The following SOAT1 variants were observed in gnomAD, a reference collection of about 807,000 sequenced individuals.
SOAT1 encodes the protein sterol O-acyltransferase 1.
Under a neutral mutation model 69.5 loss-of-function variants are expected in SOAT1, and 55 were observed. That is an observed-to-expected ratio of 0.79 (90% confidence interval 0.64 to 0.99). The LOEUF (loss-of-function observed/expected upper bound fraction) is 0.99. Among genes scored for constraint, SOAT1 ranks in the 50% least tolerant of loss-of-function variants. The probability of loss-of-function intolerance (pLI) is 0.00; values close to 1 mark genes in which losing one functional copy is unlikely to be tolerated. For synonymous variants in SOAT1, 231 were observed against 224.7 expected, an observed-to-expected ratio of 1.03 and a Z score of -0.25; for missense variants, 580 against 669.3, an observed-to-expected ratio of 0.87 and a Z score of 1.47.
intron 15 of SOAT1, among the ~76,000 whole-genome samples, chr1:179,353,160 T>C (rs2125007854): frequency 1.0e-5 from 1 of 96,864 alleles, no homozygotes; most frequent in African/African-American, 4.0e-5. Context: ...TATTAACTAA[T>C]ATATACTAAT....
In SOAT1 at chr1:179,350,327, T is replaced by C. The variant is rs766940039; in HGVS notation, c.1346T>C (p.Met449Thr). 1 of 1,613,642 alleles carries C rather than the reference T, an allele frequency of 6.2e-7. No homozygotes were observed. Among genetic ancestry groups the C allele is most frequent in the Non-Finnish European group, 8.5e-7 (1 of 1,179,886 alleles). The change falls in exon 14 of 16, where the codon ATG becomes ACG. Residue 449 changes from methionine to threonine, a missense_variant. Coordinates refer to ENST00000367619, the MANE Select transcript of SOAT1 (RefSeq NM_003101.6). ...TCCAAGAGATTCAAATCTGCTGCCA[T>C]GTTAGCTGTCTTTGCTGTATCTGCT... ...FFSKRFKSAA[M>T]LAVFAVSAVV... is the part of the protein sequence containing the mutation.
intron 3 of SOAT1, among the ~76,000 whole-genome samples, chr1:179,328,659 A>G (rs1320411032): frequency 1.3e-5 from 2 of 152,200 alleles, no homozygotes; most frequent in Admixed American, 6.5e-5. Flanking sequence ...TCAAACTTTT[A>G]TTAATGTACA....
intron 14 of SOAT1, among the ~76,000 whole-genome samples, chr1:179,350,740 C>T (rs1031505241): frequency 2.0e-5 from 3 of 152,136 alleles, no homozygotes; most frequent in Non-Finnish European, 4.4e-5. Context: ...TGTCGGTATG[C>T]ACCCCCTAGA....
chr1:179,347,595 T>C lies in SOAT1; in HGVS notation c.1118-5T>C. 1 of 1,578,976 alleles carries C rather than the reference T, an allele frequency of 6.3e-7. No homozygotes were observed. The highest frequency in any genetic ancestry group is 8.7e-7 in the Non-Finnish European group (1 of 1,149,640). On this transcript the variant is annotated splice_polypyrimidine_tract_variant and splice_region_variant and intron_variant, in intron 11 of 15. Transcript: ENST00000367619. ...GACTGTTAATATTGTTAATCTTATTTTTAGGTGTGCTGATTCTCTTCCTTA... is the reference window on the plus strand; with the variant it reads ...GACTGTTAATATTGTTAATCTTATTCTTAGGTGTGCTGATTCTCTTCCTTA...
chr1:179,335,396 C>G, intron 3 of SOAT1, 110 bp from the exon 4 acceptor site: 1 of 947,612 alleles, frequency 1.1e-6, no homozygotes, highest in Non-Finnish European at 1.6e-6. Flanking sequence ...TGCGAACTCA[C>G]TATGTCTTTC....
rs752268231 is a variant in SOAT1 at position 179,335,690 on chromosome 1, A to G, written c.329+33A>G. 7.6e-5 allele frequency: 122 copies of G among 1,599,278 alleles called. No individual in the cohort carries two copies. The South Asian group carries it at 8.6e-4, about 11-fold the overall frequency. ...TGTGCTATTTTCTTTTAATGCAAAC[A>G]TCTACTCAGTATAGTTCAATGGTGA... On this transcript the variant is annotated intron_variant, in intron 4 of 15. Coordinates refer to ENST00000367619, the MANE Select transcript of SOAT1 (RefSeq NM_003101.6).
intron 1 of SOAT1, among the ~76,000 whole-genome samples, chr1:179,300,393 T>C (rs959334574): frequency 6.6e-6 from 1 of 152,232 alleles, no homozygotes; most frequent in African/African-American, 2.4e-5. Context: ...CCATTGTAAG[T>C]TGGGCATCGT....
chr1:179,349,031 A>G, intron 13 of SOAT1, 89 bp downstream of exon 13: 2 of 752,752 alleles, frequency 2.7e-6, no homozygotes, highest in Admixed American at 4.4e-5. Flanking sequence ...AAGAAGTTAT[A>G]TTTAATTGCT....
chr1:179,343,779 C>A, intron 10 of SOAT1, 144 bp downstream of exon 10: 2 of 614,548 alleles, frequency 3.3e-6, no homozygotes, highest in Non-Finnish European at 5.6e-6. Flanking sequence ...ATTTCCAGTA[C>A]GGTAAATGGT....
At chr1:179,350,007 A>G (rs577028465) in intron 13 of SOAT1, among the ~76,000 whole-genome samples, 8 of 152,310 alleles carry the variant, frequency 5.3e-5, no homozygotes, top group African/African-American at 9.6e-5. Flanking sequence ...CTGAAATTCA[A>G]TATGTTTCAT....
intron 8 of SOAT1, among the ~76,000 whole-genome samples, chr1:179,342,596 C>T (rs1403003638): frequency 6.6e-6 from 1 of 152,144 alleles, no homozygotes; most frequent in African/African-American, 2.4e-5. Flanking sequence ...TTAATAGCCT[C>T]ATTACACCTG....
At chr1:179,335,121 T>A (rs906773252) in intron 3 of SOAT1, among the ~76,000 whole-genome samples, 1 of 151,912 alleles carries the variant, frequency 6.6e-6, no homozygotes, top group Admixed American at 6.6e-5. Context: ...TCTAACATTT[T>A]GGGAAGCTGA....
At chr1:179,301,093 A>G (rs963882435) in intron 1 of SOAT1, among the ~76,000 whole-genome samples, 5 of 152,056 alleles carry the variant, frequency 3.3e-5, no homozygotes, top group Non-Finnish European at 5.9e-5. Context: ...CTCCTTCTCA[A>G]TAAATAAATA....
intron 2 of SOAT1, among the ~76,000 whole-genome samples, chr1:179,303,545 G>A (rs749950244): frequency 6.6e-6 from 1 of 152,152 alleles, no homozygotes; most frequent in Non-Finnish European, 1.5e-5. Flanking sequence ...TCTGAGACAG[G>A]TTGTCTTTGG....
At chr1:179,303,895 C>T (rs1471889552) in intron 2 of SOAT1, among the ~76,000 whole-genome samples, 1 of 152,118 alleles carries the variant, frequency 6.6e-6, no homozygotes, top group Non-Finnish European at 1.5e-5. Context: ...TTGTTCCTTC[C>T]AGTTCTTGGG....
chr1:179,311,269 G>C (rs1665211618), intron 2 of SOAT1, among the ~76,000 whole-genome samples: 1 of 152,180 alleles, frequency 6.6e-6, no homozygotes, highest in African/African-American at 2.4e-5. Flanking sequence ...AGGAGGCTGA[G>C]GTGGGAGGAT....
intron 2 of SOAT1, among the ~76,000 whole-genome samples, chr1:179,307,242 G>T (rs1307987495): frequency 2.6e-5 from 4 of 152,152 alleles, no homozygotes; most frequent in Non-Finnish European, 5.9e-5. Flanking sequence ...CATAGATACA[G>T]TTACAGTAGT....
In SOAT1 at chr1:179,348,929, AG is replaced by A; in HGVS notation, c.1303del (p.Asp435ThrfsTer16). The part of the protein sequence containing the change: ...VHDWLYYYAY[K>X]DFLWFFSKRF... Reference sequence around the variant, plus strand: ...GACTGGCTATATTACTATGCTTACAAGGACTTTCTCTGGGTAAGTAGCAAGG... The same window carrying A: ...GACTGGCTATATTACTATGCTTACAAGACTTTCTCTGGGTAAGTAGCAAGG... On this transcript the variant is annotated frameshift_variant, in exon 13 of 16. Coordinates refer to ENST00000367619, the MANE Select transcript of SOAT1 (RefSeq NM_003101.6). LOFTEE classifies it high-confidence loss of function. The A allele has an allele frequency of 6.3e-7, 1 of 1,587,224 alleles. No homozygotes were observed. Among genetic ancestry groups the A allele is most frequent in the Non-Finnish European group, 8.7e-7 (1 of 1,155,748 alleles).
intron 2 of SOAT1, among the ~76,000 whole-genome samples, chr1:179,311,192 C>T (rs1403694689): frequency 6.6e-6 from 1 of 151,992 alleles, no homozygotes; most frequent in Admixed American, 6.6e-5. Context: ...ATATCAAGAC[C>T]CCATCTTTAC....
Sources: allele counts gnomAD v4.1 joint callset (sites outside exome capture counted in the v4.1 genomes callset), GRCh38; gene constraint gnomAD v4.1.1; transcripts MANE v1.5; gene names NCBI Gene and HGNC (gene_info 2026-07-23, HGNC 2026-07-21).